FHDC1: variants seen among roughly 807,000 people sequenced by gnomAD.
FHDC1 encodes the protein FH2 domain-containing protein 1.
In FHDC1, 25 loss-of-function variants were observed where a neutral mutation model predicts 52.6. The observed-to-expected ratio is 0.48, with a 90% CI of 0.35 to 0.66. The LOEUF is 0.66. FHDC1 is among the 30% of genes least tolerant of loss of function. The pLI is 0.01. For synonymous variants in FHDC1, 616 were observed against 581.5 expected (o/e 1.06, Z -0.85); for missense variants, 1,459 against 1,452.8 (o/e 1.00, Z -0.07).
chr4:152,959,519 A>C (rs953591828), intron 4 of FHDC1, among the ~76,000 whole-genome samples: 2 of 152,216 alleles, frequency 1.3e-5, no homozygotes, highest in African/African-American at 4.8e-5. Context: ...AGAAAATAAA[A>C]ATGAGCAACA....
chr4:152,916,309 G>A, the FHDC1 span, among the ~76,000 whole-genome samples: 1 of 152,130 alleles, frequency 6.6e-6, no homozygotes. Context: ...TGGTAATATA[G>A]GGGAACAGCT....
chr4:152,958,010 G>T (rs1473391784), intron 4 of FHDC1, among the ~76,000 whole-genome samples: 3 of 152,156 alleles, frequency 2.0e-5, no homozygotes, highest in Admixed American at 6.5e-5. Context: ...AGTTTGAGTT[G>T]CCTCTGCTGG....
chr4:152,953,245 T>C lies in FHDC1; in HGVS notation c.499-254T>C, dbSNP rs1739980689. Among the ~76,000 whole-genome samples, 3 of 152,242 alleles carry C rather than the reference T, an allele frequency of 2.0e-5. No individual in the cohort carries two copies. The South Asian group carries it at 6.2e-4, about 32-fold the overall frequency. ...GGGACCATCTGTATATTAAAAGTTA[T>C]ATAATATTAAAGTAGGTATGTGTTA... On this transcript the variant is annotated intron_variant, in intron 2 of 11. Coordinates refer to ENST00000511601, the MANE Select transcript of FHDC1 (RefSeq NM_001371116.1).
In FHDC1 at chr4:152,972,558, C is replaced by A. The variant is rs1176542710; in HGVS notation, c.1383+17C>A. On this transcript the variant is annotated intron_variant, in intron 11 of 11. Transcript: ENST00000511601. ...GCAGTTAAGGTACATCTGGCAGCAT[C>A]TGTGTCTTGGGGTTGTTTGGATTTT... 1 of 1,599,264 alleles carries A rather than the reference C, an allele frequency of 6.3e-7. No homozygotes were observed. Among genetic ancestry groups the A allele is most frequent in the African/African-American group, 1.4e-5 (1 of 73,790 alleles).
At chr4:152,926,267 G>GACACACACAC in the FHDC1 span, among the ~76,000 whole-genome samples, 1,829 of 144,492 alleles carry the variant, frequency 0.013, 17 homozygotes, top group African/African-American at 0.023. Flanking sequence ...TTAAAATACA[G>GACACACACAC]ACACACACAC....
intron 9 of FHDC1, among the ~76,000 whole-genome samples, chr4:152,966,869 C>G (rs1477218489): frequency 6.6e-6 from 1 of 152,126 alleles, no homozygotes; most frequent in Non-Finnish European, 1.5e-5. Context: ...CCTGTGATCC[C>G]AGCACTTTGG....
At chr4:152,972,155 C>A (rs1341601947) in intron 10 of FHDC1, among the ~76,000 whole-genome samples, 1 of 152,124 alleles carries the variant, frequency 6.6e-6, no homozygotes, top group Non-Finnish European at 1.5e-5. Flanking sequence ...GTTGCTTAGT[C>A]TAGGTCTCAC....
Position 152,976,451 on chromosome 4 carries a change from GT to G in FHDC1, c.3161del (p.Val1054GlyfsTer16), listed in dbSNP as rs1740888781. The G allele has an allele frequency of 6.2e-7, 1 of 1,613,596 alleles. No homozygotes were observed. ...SRSMRTDLPP[V>X]AKAPGITRTV... is the part of the protein sequence containing the mutation. ...AAGCATGAGAACAGATCTTCCTCCC[GT>G]GGCCAAAGCCCCCGGCATCACTCGG... On this transcript the variant is annotated frameshift_variant, in exon 12 of 12. Transcript: ENST00000511601. LOFTEE classifies it low-confidence loss of function (END_TRUNC).
In FHDC1 at chr4:152,975,137, T is replaced by A; in HGVS notation, c.1846T>A (p.Ser616Thr). ...GGQEEAPNPPSAQAHQLAAAQ... is the reference protein window; with the variant it reads ...GGQEEAPNPPTAQAHQLAAAQ... ...CCAGGAGGAGGCCCCCAACCCACCC[T>A]CAGCACAGGCGCACCAGCTTGCAGC... Residue 616 changes from serine to threonine, a missense_variant, in exon 12 of 12, where the codon TCA (serine) becomes ACA (threonine). This residue lies in a region of FHDC1 where 939 missense variants were observed against 854.5 expected (regional missense o/e 1.10). Transcript: ENST00000511601. The A allele has an allele frequency of 6.2e-7, 1 of 1,612,762 alleles. No homozygotes were observed. Among genetic ancestry groups the A allele is most frequent in the Non-Finnish European group, 8.5e-7 (1 of 1,179,968 alleles).
the FHDC1 span, among the ~76,000 whole-genome samples, chr4:152,928,636 T>C: frequency 2.0e-5 from 3 of 152,204 alleles, no homozygotes; most frequent in Non-Finnish European, 4.4e-5. Context: ...TGTAGATGAA[T>C]GTGTTGTTTG....
chr4:152,968,266 A>T (rs1370612309), intron 10 of FHDC1, among the ~76,000 whole-genome samples, 169 bp downstream of exon 10: 1 of 151,636 alleles, frequency 6.6e-6, no homozygotes, highest in Non-Finnish European at 1.5e-5. Context: ...TTTGCAGAGG[A>T]TGTTAAATGT....
intron 9 of FHDC1, among the ~76,000 whole-genome samples, chr4:152,966,054 A>G (rs1740446752): frequency 6.6e-6 from 1 of 152,234 alleles, no homozygotes; most frequent in Non-Finnish European, 1.5e-5. Flanking sequence ...AAAAGAATGG[A>G]CATCTTATAA....
At chr4:152,959,084 G>A (rs548514286) in intron 4 of FHDC1, among the ~76,000 whole-genome samples, 4 of 152,174 alleles carry the variant, frequency 2.6e-5, no homozygotes, top group Admixed American at 6.5e-5. Context: ...TTAAAATCAC[G>A]TTATTAATCA....
chr4:152,971,803 C>G (rs1740647088), intron 10 of FHDC1, among the ~76,000 whole-genome samples: 1 of 152,188 alleles, frequency 6.6e-6, no homozygotes, highest in Non-Finnish European at 1.5e-5. Flanking sequence ...GGCCTGTTGC[C>G]AAGCTTCCCA....
the FHDC1 span, among the ~76,000 whole-genome samples, chr4:152,919,038 A>G: frequency 6.6e-6 from 1 of 152,252 alleles, no homozygotes; most frequent in South Asian, 2.1e-4. Context: ...TGTTTTGAAC[A>G]TGTTTGTAGC....
At chr4:152,914,615 ACT>A in the FHDC1 span, among the ~76,000 whole-genome samples, 1 of 152,204 alleles carries the variant, frequency 6.6e-6, no homozygotes. Flanking sequence ...TTTGCCATAA[ACT>A]CTGTCAAAGA....
chr4:152,912,709 G>A, the FHDC1 span, among the ~76,000 whole-genome samples: 1 of 152,134 alleles, frequency 6.6e-6, no homozygotes, highest in Non-Finnish European at 1.5e-5. Flanking sequence ...GGGGATGCTG[G>A]GTGTGAGAGC....
chr4:152,930,964 C>CACACAT, the FHDC1 span, among the ~76,000 whole-genome samples: 1 of 70,722 alleles, frequency 1.4e-5, no homozygotes, highest in Non-Finnish European at 3.6e-5. Context: ...CCCAGGGAAA[C>CACACAT]ACACACACAC....
chr4:152,931,876 G>A (rs1252129321), upstream of FHDC1, among the ~76,000 whole-genome samples: 2 of 146,784 alleles, frequency 1.4e-5, no homozygotes, highest in Non-Finnish European at 3.0e-5. Context: ...GGTTGAGGCT[G>A]CAGTGAGCAG....
Sources: gnomAD v4.1 joint callset for allele counts (sites outside exome capture counted in the v4.1 genomes callset) on GRCh38, gnomAD v4.1.1 for gene constraint, gnomAD v4.1.1 regional missense constraint, MANE v1.5 for transcripts, NCBI Gene and HGNC (gene_info 2026-07-23, HGNC 2026-07-21) for gene names.